Variants in TMEFF2 observed in about 807,000 individuals in gnomAD.
TMEFF2 encodes the protein tomoregulin-2.
TMEFF2 carries 28 observed loss-of-function variants against 53.8 expected under a neutral mutation model. That is an observed-to-expected ratio of 0.52 (90% CI 0.39 to 0.71). TMEFF2 has a LOEUF of 0.71. TMEFF2 is among the 30% of genes least tolerant of loss of function. The pLI is 0.00. For missense variants in TMEFF2, 353 were observed against 455.2 expected (o/e 0.78, Z 2.04); for synonymous variants, 162 against 166.3 (o/e 0.97, Z 0.20).
intron 7 of TMEFF2, among the ~76,000 whole-genome samples, chr2:191,975,613 T>G (rs1208241527): frequency 6.6e-6 from 1 of 152,036 alleles, no homozygotes; most frequent in Non-Finnish European, 1.5e-5. Flanking sequence ...GTAGTTTTAT[T>G]TTTTTATTGG....
intron 7 of TMEFF2, among the ~76,000 whole-genome samples, chr2:191,985,207 AAAAG>A (rs1258610752): frequency 2.0e-5 from 3 of 152,124 alleles, no homozygotes; most frequent in South Asian, 2.1e-4. Flanking sequence ...AAAAGGAAAA[AAAAG>A]AGATGTAGAT....
At position 192,179,698 on chromosome 2, in the gene TMEFF2, T is replaced by TG. The variant is rs1691139192; in HGVS notation, c.413-5dup. ...TCTCCAGATCCTGATCCTGCATCTG[T>TG]GGGGGGAAAAGTTATATTTGCTAGT... On this transcript the variant is annotated splice_polypyrimidine_tract_variant and splice_region_variant and intron_variant, in intron 3 of 9. Coordinates refer to ENST00000272771, the MANE Select transcript of TMEFF2 (RefSeq NM_016192.4). 2.0e-6 allele frequency: 3 copies of TG among 1,517,412 alleles called. No individual in the cohort carries two copies. Among genetic ancestry groups the TG allele is most frequent in the East Asian group, 2.5e-5 (1 of 39,886 alleles). The allele number at this position is 1,517,412 out of a possible 1,614,324, so 94.0% of individuals were successfully genotyped here.
In TMEFF2 at chr2:191,950,403, A is replaced by G; in HGVS notation, c.1033T>C (p.Cys345Arg). The change falls in exon 10 of 10, where the codon TGC becomes CGC. Residue 345 changes from cysteine to arginine, a missense_variant. Coordinates refer to ENST00000272771, the MANE Select transcript of TMEFF2 (RefSeq NM_016192.4). ...CVVVLCITRK[C>R]PRSNRIHRQK... ...CTGTGAATTCTGTTGCTTCTGGGGC[A>G]TTTCCTGGAAGGTTGGAAAGTTTAC... The G allele has an allele frequency of 2.5e-6, 4 of 1,613,932 alleles. No individual in the cohort carries two copies. Among genetic ancestry groups the G allele is most frequent in the Non-Finnish European group, 3.4e-6 (4 of 1,179,938 alleles).
intron 4 of TMEFF2, among the ~76,000 whole-genome samples, chr2:192,142,224 T>G (rs996220700): frequency 5.9e-5 from 9 of 152,078 alleles, no homozygotes; most frequent in Non-Finnish European, 1.0e-4. Flanking sequence ...ACATGTAGAT[T>G]TAAATCTTGG....
intron 2 of TMEFF2, among the ~76,000 whole-genome samples, chr2:192,189,279 C>T (rs1338997076): frequency 6.6e-6 from 1 of 151,966 alleles, no homozygotes; most frequent in Non-Finnish European, 1.5e-5. Context: ...TGTGGTGGCT[C>T]ACACCTGTAA....
chr2:192,084,155 C>A (rs1688614712), intron 4 of TMEFF2, among the ~76,000 whole-genome samples: 1 of 152,092 alleles, frequency 6.6e-6, no homozygotes, highest in Admixed American at 6.6e-5. Flanking sequence ...ACAGGTCCAT[C>A]GGAACCCTAA....
At chr2:192,044,715 C>A (rs1260319716) in intron 5 of TMEFF2, among the ~76,000 whole-genome samples, 2 of 152,140 alleles carry the variant, frequency 1.3e-5, no homozygotes, top group African/African-American at 2.4e-5. Flanking sequence ...ATTGGTGAAT[C>A]ACAGTGCGGA....
At chr2:192,143,215 C>T (rs912008580) in intron 4 of TMEFF2, among the ~76,000 whole-genome samples, 1 of 151,992 alleles carries the variant, frequency 6.6e-6, no homozygotes, top group Non-Finnish European at 1.5e-5. Flanking sequence ...ACTTATTTGC[C>T]TGATCTATTT....
intron 4 of TMEFF2, among the ~76,000 whole-genome samples, chr2:192,088,953 G>A (rs945974972): frequency 2.0e-5 from 3 of 152,016 alleles, no homozygotes; most frequent in African/African-American, 7.2e-5. Context: ...TGGGTATGTG[G>A]TCCCATAAAT....
At chr2:192,035,924 G>A (rs538866303) in intron 5 of TMEFF2, among the ~76,000 whole-genome samples, 12 of 152,004 alleles carry the variant, frequency 7.9e-5, no homozygotes, top group Admixed American at 2.6e-4. Context: ...TAACATCTTC[G>A]TTTCTGTTTG....
chr2:192,124,714 T>G (rs1221380172), intron 4 of TMEFF2, among the ~76,000 whole-genome samples: 1 of 152,202 alleles, frequency 6.6e-6, no homozygotes, highest in African/African-American at 2.4e-5. Context: ...ATGGGTTTCC[T>G]GGCTGACACC....
chr2:192,023,372 A>G (rs1480702865), intron 5 of TMEFF2, among the ~76,000 whole-genome samples: 5 of 152,070 alleles, frequency 3.3e-5, no homozygotes, highest in Non-Finnish European at 5.9e-5. Context: ...TCCTATTTCT[A>G]TGTCATGCCT....
rs1021135025 is a variant in TMEFF2, at chr2:192,184,597, T to C, written c.283-114A>G. 1.7e-5 allele frequency: 23 copies of C among 1,342,384 alleles called. No homozygotes were observed. In the African/African-American group the frequency reaches 2.8e-4, roughly 16 times the overall value. 83.2% of individuals were successfully genotyped at this position (1,342,384 alleles called of 1,614,324 possible). On this transcript the variant is annotated intron_variant, in intron 2 of 9. Coordinates refer to ENST00000272771, the MANE Select transcript of TMEFF2 (RefSeq NM_016192.4). The stretch of plus-strand genomic sequence containing the variant: ...AACCACTTGTCTTCATTTTCAATGA[T>C]TCTAATTGTGTCCAATAAGTCTTTA...
At chr2:192,125,889 G>A (rs1006099021) in intron 4 of TMEFF2, among the ~76,000 whole-genome samples, 1 of 152,192 alleles carries the variant, frequency 6.6e-6, no homozygotes, top group African/African-American at 2.4e-5. Context: ...TGGCGGGAGG[G>A]CAAGCATCAG....
At chr2:192,005,629 G>A (rs1327094180) in intron 5 of TMEFF2, among the ~76,000 whole-genome samples, 1 of 152,116 alleles carries the variant, frequency 6.6e-6, no homozygotes, top group African/African-American at 2.4e-5. Flanking sequence ...GGTTGTTTCG[G>A]ACCTTAACTG....
intron 4 of TMEFF2, among the ~76,000 whole-genome samples, chr2:192,078,411 T>C (rs759937142): frequency 1.3e-5 from 2 of 152,210 alleles, no homozygotes. Flanking sequence ...TCCTTGGATC[T>C]GGACAAAAAT....
At chr2:192,135,317 C>T (rs1047119260) in intron 4 of TMEFF2, among the ~76,000 whole-genome samples, 7 of 152,128 alleles carry the variant, frequency 4.6e-5, no homozygotes, top group Non-Finnish European at 1.0e-4. Context: ...TGCTGAATCT[C>T]CTTAGGCACT....
intron 5 of TMEFF2, among the ~76,000 whole-genome samples, chr2:192,005,309 C>T (rs1023727765): frequency 1.3e-5 from 2 of 152,136 alleles, no homozygotes; most frequent in Non-Finnish European, 1.5e-5. Flanking sequence ...TAATTCCCTG[C>T]CTCACTTGAA....
chr2:192,037,640 AG>A (rs1687360366), intron 5 of TMEFF2, among the ~76,000 whole-genome samples: 9 of 20,918 alleles, frequency 4.3e-4, no homozygotes, highest in Admixed American at 4.1e-3. Context: ...AGAAAGAGAG[AG>A]AAAGAGAGAG....
Sources: allele counts gnomAD v4.1 joint callset (sites outside exome capture counted in the v4.1 genomes callset), GRCh38; gene constraint gnomAD v4.1.1; transcripts MANE v1.5; gene names NCBI Gene and HGNC (gene_info 2026-07-23, HGNC 2026-07-21).